Variants in RGS20 observed in about 807,000 individuals in gnomAD.
RGS20 encodes regulator of G protein signaling 20.
In RGS20, 30 loss-of-function variants were observed where a neutral mutation model predicts 33.6. The observed-to-expected ratio is 0.89, with a 90% confidence interval of 0.67 to 1.21. The LOEUF is 1.21. Among genes scored for constraint, RGS20 ranks in the 50% most tolerant of loss-of-function variants. The probability of loss-of-function intolerance (pLI) is 0.00; values close to 1 mark genes in which losing one functional copy is unlikely to be tolerated. For missense variants in RGS20, 472 were observed against 502.4 expected (o/e 0.94, Z 0.58); for synonymous variants, 208 against 197.9 (o/e 1.05, Z -0.43).
At chr8:53,951,966 G>A (rs768573420) in intron 4 of RGS20, among the ~76,000 whole-genome samples, 12 of 149,930 alleles carry the variant, frequency 8.0e-5, no homozygotes, top group South Asian at 2.1e-4. Context: ...GCAGTGAGCC[G>A]AGATCGCGCC....
chr8:53,901,771 C>A (rs1813040355), intron 2 of RGS20, among the ~76,000 whole-genome samples: 1 of 152,160 alleles, frequency 6.6e-6, no homozygotes, highest in East Asian at 1.9e-4. Context: ...ATTGCTCCAA[C>A]CCAGGGGTTT....
In RGS20 at chr8:53,958,454, C is replaced by T. The variant is rs937183036; in HGVS notation, c.1163C>T (p.Ala388Val). The change falls in exon 6 of 6, where the codon GCA (alanine) becomes GTA (valine). Residue 388 changes from alanine to valine, a missense_variant. Physicochemically the swap from Ala to Val is moderately conservative, Grantham distance 64. Transcript: ENST00000297313. ...TCCTTATCGGAGAAATCTATTGAAGCATAGGATTTTTCAAATATATTTATT... is the reference window on the plus strand; with the variant it reads ...TCCTTATCGGAGAAATCTATTGAAGTATAGGATTTTTCAAATATATTTATT... 25 of 1,453,822 alleles carry T rather than the reference C, an allele frequency of 1.7e-5. No homozygotes were observed. Among genetic ancestry groups the T allele is most frequent in the Admixed American group, 2.4e-5 (1 of 41,692 alleles). 90.1% of individuals were successfully genotyped at this position (1,453,822 alleles called of 1,614,324 possible).
At chr8:53,948,100 T>C (rs1477295390) in intron 4 of RGS20, among the ~76,000 whole-genome samples, 3 of 135,398 alleles carry the variant, frequency 2.2e-5, no homozygotes, top group African/African-American at 8.1e-5. Context: ...ATGTAGTATA[T>C]ATATGCTATA....
At chr8:53,909,286 G>A (rs1440147929) in intron 2 of RGS20, among the ~76,000 whole-genome samples, 1 of 131,392 alleles carries the variant, frequency 7.6e-6, no homozygotes, top group East Asian at 2.3e-4. Flanking sequence ...GTCTTACTCT[G>A]TCACCCAGGC....
At chr8:53,873,123 C>T (rs953225824) in intron 1 of RGS20, among the ~76,000 whole-genome samples, 7 of 152,064 alleles carry the variant, frequency 4.6e-5, no homozygotes, top group Non-Finnish European at 1.0e-4. Context: ...TACTTCCCTC[C>T]TCTACTCTAT....
At position 53,860,974 on chromosome 8, in the gene RGS20, A is replaced by T. The variant is rs1163860152; in HGVS notation, c.165+8910A>T. 3.9e-5 allele frequency among the ~76,000 whole-genome samples: 6 copies of T among 152,252 alleles called. No homozygotes were observed. The East Asian group carries it at 1.2e-3, about 29-fold the overall frequency. On this transcript the variant is annotated intron_variant, in intron 1 of 5. Coordinates refer to ENST00000297313, the MANE Select transcript of RGS20 (RefSeq NM_170587.4). ...AGAGTGAGACCCTGTCTCCAAAAAA[A>T]AAAAAAGATCAATCAGCCCTAGCTG...
intron 1 of RGS20, among the ~76,000 whole-genome samples, chr8:53,875,448 A>T (rs1188028357): frequency 6.9e-6 from 1 of 145,554 alleles, no homozygotes; most frequent in Admixed American, 6.9e-5. Context: ...AAAAAAAAAA[A>T]AACCAAAAAA....
chr8:53,880,932 A>C, intron 2 of RGS20: 5 of 1,553,112 alleles, frequency 3.2e-6, no homozygotes, highest in Non-Finnish European at 4.3e-6. Flanking sequence ...GAGCCGGAGA[A>C]AGGCGAAAGG....
chr8:53,888,650 C>T (rs935077976), intron 2 of RGS20, among the ~76,000 whole-genome samples: 1 of 152,168 alleles, frequency 6.6e-6, no homozygotes, highest in African/African-American at 2.4e-5. Flanking sequence ...CAAAATCACT[C>T]ACCACGGCTC....
Position 53,901,797 on chromosome 8 carries a change from T to C in RGS20, c.510+22195T>C, listed in dbSNP as rs1813041294. ...CCAGGGGTTTGAGGCTGCAGTGGTA[T>C]GATCATGCCTCCAAATAGCCACTGC... is the stretch of plus-strand genomic sequence containing the variant. On this transcript the variant is annotated intron_variant, in intron 2 of 5. Transcript: ENST00000297313. 2.0e-5 allele frequency among the ~76,000 whole-genome samples: 3 copies of C among 152,036 alleles called. No homozygotes were observed. In the South Asian group the frequency reaches 6.2e-4, roughly 32 times the overall value.
intron 1 of RGS20, among the ~76,000 whole-genome samples, chr8:53,875,252 T>C (rs1812174528): frequency 6.6e-6 from 1 of 151,550 alleles, no homozygotes; most frequent in Non-Finnish European, 1.5e-5. Context: ...GCCAACATGG[T>C]GAAACCCCAT....
Position 53,937,825 on chromosome 8 carries a change from C to T in RGS20, c.511-1751C>T, listed in dbSNP as rs1411668658. ...TCGTTAGAGAAATGCAAATCAAAAC[C>T]ACAATGAGATACCGTCTCATGCCAG... On this transcript the variant is annotated intron_variant, in intron 2 of 5. Transcript: ENST00000297313. Among the ~76,000 whole-genome samples the T allele has an allele frequency of 2.6e-5, 4 of 152,198 alleles. No individual in the cohort carries two copies. The East Asian group carries it at 7.7e-4, about 29-fold the overall frequency.
chr8:53,944,732 C>G (rs1469134176), intron 3 of RGS20, among the ~76,000 whole-genome samples: 1 of 152,034 alleles, frequency 6.6e-6, no homozygotes, highest in African/African-American at 2.4e-5. Flanking sequence ...ACTCTGTAGG[C>G]TTCAGGTCTT....
In RGS20 at chr8:53,851,878, T is replaced by A. The variant is rs201095217; in HGVS notation, c.-22T>A. 1 of 1,612,750 alleles carries A rather than the reference T, an allele frequency of 6.2e-7. No homozygotes were observed. Among genetic ancestry groups the A allele is most frequent in the South Asian group, 1.1e-5 (1 of 90,958 alleles). On this transcript the variant is annotated 5_prime_UTR_variant, in exon 1 of 6. Coordinates refer to ENST00000297313, the MANE Select transcript of RGS20 (RefSeq NM_170587.4). ...GGGAAAACCAGGCAACAGGACTCAT[T>A]TGGGGCCTTTATTGTGAAAACATGC...
At chr8:53,934,821 CA>C (rs1814082772) in intron 2 of RGS20, among the ~76,000 whole-genome samples, 1 of 152,140 alleles carries the variant, frequency 6.6e-6, no homozygotes, top group Non-Finnish European at 1.5e-5. Context: ...TTCTCAGCAC[CA>C]CATCACATTT....
chr8:53,856,216 A>ATT (rs11366812), intron 1 of RGS20, among the ~76,000 whole-genome samples: 16 of 138,772 alleles, frequency 1.2e-4, no homozygotes, highest in Non-Finnish European at 1.2e-4. Context: ...TTATTTTTCA[A>ATT]TTTTTTTTTT....
At chr8:53,953,086 G>C (rs1814756431) in intron 4 of RGS20, among the ~76,000 whole-genome samples, 1 of 152,192 alleles carries the variant, frequency 6.6e-6, no homozygotes. Context: ...GGTAAGGGAT[G>C]ACAAATTACC....
chr8:53,927,201 GTTTTT>G lies in RGS20; in HGVS notation c.511-12362_511-12358del, dbSNP rs553191513. ...GGATGCTCTTTTTGTTTTTTGGGGC[GTTTTT>G]TTTTTTTTTTTTGAGACAAGGTCTC... is the stretch of plus-strand genomic sequence containing the variant. On this transcript the variant is annotated intron_variant, in intron 2 of 5. Coordinates refer to ENST00000297313, the MANE Select transcript of RGS20 (RefSeq NM_170587.4). Among the ~76,000 whole-genome samples, 376 of 126,946 alleles carry G rather than the reference GTTTTT, an allele frequency of 3.0e-3. 4 individuals carry two copies. The highest frequency in any genetic ancestry group is 0.01 in the African/African-American group (362 of 34,994). The allele number at this position is 126,946 out of a possible 152,430, so 83.3% of individuals were successfully genotyped here.
At position 53,879,734 on chromosome 8, in the gene RGS20, C is replaced by A. The variant is rs989660163; in HGVS notation, c.510+132C>A. 5.1e-6 allele frequency: 4 copies of A among 789,010 alleles called. No individual in the cohort carries two copies. In the African/African-American group the frequency reaches 5.6e-5, roughly 11 times the overall value. 48.9% of individuals were successfully genotyped at this position (789,010 alleles called of 1,614,324 possible). A position where few individuals can be genotyped will look rare whatever the true frequency, so the allele number is the denominator to read the frequency against. ...AGGGAGGGTGGCAAGGTCGGGAAGG[C>A]CGGGACGTGGCTGGGCAAGTCCTAG... is the stretch of plus-strand genomic sequence containing the variant. On this transcript the variant is annotated intron_variant, in intron 2 of 5. Transcript: ENST00000297313.
Sources: allele counts gnomAD v4.1 joint callset (sites outside exome capture counted in the v4.1 genomes callset), GRCh38; gene constraint gnomAD v4.1.1; transcripts MANE v1.5; gene names NCBI Gene and HGNC (gene_info 2026-07-23, HGNC 2026-07-21).